RBFOX1: variants seen among roughly 807,000 people sequenced by gnomAD.
The protein encoded by RBFOX1 is RNA binding protein fox-1 homolog 1.
In RBFOX1, 8 loss-of-function variants were observed where a neutral mutation model predicts 57.7. The ratio of observed to expected loss-of-function variants is 0.14; its 90% CI spans 0.08 to 0.25. RBFOX1 has a LOEUF of 0.25. Among genes scored for constraint, RBFOX1 ranks in the 10% least tolerant of loss-of-function variants. RBFOX1 has a pLI of 1.00. For synonymous variants in RBFOX1, 326 were observed against 222.4 expected (o/e 1.47, Z -4.15); for missense variants, 611 against 548.5 (o/e 1.11, Z -1.14).
chr16:6,611,917 C>T (rs762327470), intron 2 of RBFOX1, among the ~76,000 whole-genome samples: 4 of 152,146 alleles, frequency 2.6e-5, no homozygotes, highest in Non-Finnish European at 5.9e-5. Context: ...CCATTGGTTG[C>T]AAGGGTTTTG....
chr16:6,687,143 G>C (rs897148241), intron 3 of RBFOX1, among the ~76,000 whole-genome samples: 4 of 152,168 alleles, frequency 2.6e-5, no homozygotes, highest in African/African-American at 9.7e-5. Flanking sequence ...GGCATCCATA[G>C]AAATACAGAT....
intron 1 of RBFOX1, among the ~76,000 whole-genome samples, chr16:6,200,288 C>A (rs573637328): frequency 6.6e-6 from 1 of 152,280 alleles, no homozygotes; most frequent in Non-Finnish European, 1.5e-5. Flanking sequence ...CTCTGCATCC[C>A]TTTCCTCAAG....
intron 5 of RBFOX1, among the ~76,000 whole-genome samples, chr16:7,519,438 T>C (rs112902885): frequency 2.0e-5 from 3 of 152,310 alleles, no homozygotes; most frequent in African/African-American, 7.2e-5. Flanking sequence ...GTAAATTTTA[T>C]TGCGTACAAA....
At chr16:6,786,173 C>G (rs534938167) in intron 3 of RBFOX1, among the ~76,000 whole-genome samples, 18 of 152,148 alleles carry the variant, frequency 1.2e-4, no homozygotes, top group Non-Finnish European at 2.6e-4. Flanking sequence ...GGCGAAGATT[C>G]CCATGACCCT....
At chr16:6,393,536 A>C (rs1317810993) in intron 2 of RBFOX1, among the ~76,000 whole-genome samples, 1 of 152,094 alleles carries the variant, frequency 6.6e-6, no homozygotes, top group African/African-American at 2.4e-5. Flanking sequence ...CATGCATTCA[A>C]ATCCTTGAAG....
At chr16:7,152,369 C>T (rs539509957) in intron 4 of RBFOX1, among the ~76,000 whole-genome samples, 61 of 152,322 alleles carry the variant, frequency 4.0e-4, no homozygotes, top group African/African-American at 1.4e-3. Flanking sequence ...TTTACTACTC[C>T]ATGGTTGCAT....
chr16:5,788,586 G>A (rs1328321264), intron 3 of RBFOX1, among the ~76,000 whole-genome samples: 1 of 152,164 alleles, frequency 6.6e-6, no homozygotes, highest in Non-Finnish European at 1.5e-5. Flanking sequence ...CCGGGATCGT[G>A]CCACTGCACT....
chr16:6,509,829 A>G (rs1440858107), intron 2 of RBFOX1, among the ~76,000 whole-genome samples: 1 of 152,216 alleles, frequency 6.6e-6, no homozygotes, highest in Non-Finnish European at 1.5e-5. Flanking sequence ...ATGTTCTCCC[A>G]AACATGAAAA....
intron 3 of RBFOX1, among the ~76,000 whole-genome samples, chr16:6,967,588 C>CT (rs1568133588): frequency 6.6e-6 from 1 of 152,136 alleles, no homozygotes; most frequent in African/African-American, 2.4e-5. Flanking sequence ...TCATCAGCTT[C>CT]TCTAGTTCAC....
intron 3 of RBFOX1, among the ~76,000 whole-genome samples, chr16:5,656,635 A>G (rs1288004692): frequency 1.3e-5 from 2 of 152,342 alleles, no homozygotes; most frequent in East Asian, 1.9e-4. Context: ...TAAATTAAGA[A>G]CACTTAACAT....
intron 3 of RBFOX1, among the ~76,000 whole-genome samples, chr16:6,930,297 T>C (rs537194798): frequency 2.0e-5 from 3 of 152,216 alleles, no homozygotes; most frequent in South Asian, 4.2e-4. Flanking sequence ...AAAAGATATA[T>C]ACAAATGGCC....
intron 3 of RBFOX1, among the ~76,000 whole-genome samples, chr16:6,689,404 G>A (rs1208523260): frequency 6.6e-6 from 1 of 152,160 alleles, no homozygotes; most frequent in African/African-American, 2.4e-5. Flanking sequence ...GTGGGCAATA[G>A]ATAATACTTT....
intron 4 of RBFOX1, among the ~76,000 whole-genome samples, chr16:5,915,763 T>A (rs1472399653): frequency 6.6e-6 from 1 of 151,912 alleles, no homozygotes; most frequent in African/African-American, 2.4e-5. Context: ...ACCCTTGAGG[T>A]GGAGGTTGCA....
chr16:7,094,754 G>GTGTT (rs1555466395), intron 4 of RBFOX1, among the ~76,000 whole-genome samples: 1 of 134,786 alleles, frequency 7.4e-6, no homozygotes, highest in Admixed American at 7.4e-5. Context: ...CTGTGTGTGT[G>GTGTT]TGTGTGTGTG....
At chr16:6,860,583 T>C (rs750129683) in intron 3 of RBFOX1, among the ~76,000 whole-genome samples, 10 of 152,174 alleles carry the variant, frequency 6.6e-5, no homozygotes, top group Non-Finnish European at 7.3e-5. Context: ...AGGAGACACA[T>C]AGAAGATTCA....
intron 3 of RBFOX1, among the ~76,000 whole-genome samples, chr16:6,759,424 C>G (rs1407236873): frequency 1.3e-5 from 2 of 150,604 alleles, no homozygotes; most frequent in African/African-American, 4.9e-5. Flanking sequence ...GTGCTGGGAC[C>G]CAATTAATTC....
chr16:5,498,985 C>G (rs916981527), intron 2 of RBFOX1, among the ~76,000 whole-genome samples: 2 of 152,122 alleles, frequency 1.3e-5, no homozygotes, highest in African/African-American at 4.8e-5. Context: ...GGTGTGGATT[C>G]TAGAACCCCA....
chr16:6,038,937 C>A (rs905352469), intron 1 of RBFOX1: 1 of 127,794 alleles, frequency 7.8e-6, no homozygotes, highest in Non-Finnish European at 1.5e-5. Flanking sequence ...GCATCAGTGT[C>A]TATGTGTGGA....
At chr16:6,643,487 C>G (rs969538812) in intron 2 of RBFOX1, among the ~76,000 whole-genome samples, 1 of 152,124 alleles carries the variant, frequency 6.6e-6, no homozygotes, top group Non-Finnish European at 1.5e-5. Flanking sequence ...CTGAAGAATT[C>G]TGCTGAAAGG....
Sources: allele counts gnomAD v4.1 joint callset (sites outside exome capture counted in the v4.1 genomes callset), GRCh38; gene constraint gnomAD v4.1.1; transcripts MANE v1.5; gene names NCBI Gene and HGNC (gene_info 2026-07-23, HGNC 2026-07-21).